DOT1L: variants seen among roughly 807,000 people sequenced by gnomAD.
DOT1L encodes DOT1 like histone lysine methyltransferase.
DOT1L carries 33 observed loss-of-function variants against 153.3 expected under a neutral mutation model. That is an observed-to-expected ratio of 0.22 (90% confidence interval 0.16 to 0.29). The LOEUF (loss-of-function observed/expected upper bound fraction) is 0.29. Ranked by LOEUF, DOT1L falls within the 10% of genes least tolerant of loss-of-function variation. The probability of loss-of-function intolerance (pLI) is 1.00; values close to 1 mark genes in which losing one functional copy is unlikely to be tolerated. For synonymous variants in DOT1L, 1,135 were observed against 965.1 expected (o/e 1.18, Z -3.26); for missense variants, 1,847 against 2,119.9 (o/e 0.87, Z 2.53).
intron 10 of DOT1L, 23 bp downstream of exon 10, chr19:2,206,820 A>G: frequency 3.1e-6 from 5 of 1,607,310 alleles, no homozygotes; most frequent in Middle Eastern, 1.7e-4. Flanking sequence ...CATGTTGTTA[A>G]TGATGAACAC....
chr19:2,188,095 C>T (rs1365698431), intron 3 of DOT1L: 1 of 152,324 alleles, frequency 6.6e-6, no homozygotes, highest in Non-Finnish European at 1.5e-5. Context: ...CCTTCGTCCT[C>T]CGGAGGATCC....
At chr19:2,165,273 C>T (rs1315808276) in intron 1 of DOT1L, among the ~76,000 whole-genome samples, 3 of 35,374 alleles carry the variant, frequency 8.5e-5, no homozygotes, top group East Asian at 8.7e-4. Context: ...CCCGCGCGCC[C>T]TGGGACTCCC....
At chr19:2,194,615 C>T (rs976099071) in intron 7 of DOT1L, 38 bp downstream of exon 7, 11 of 1,576,218 alleles carry the variant, frequency 7.0e-6, no homozygotes, top group Non-Finnish European at 9.5e-6. Context: ...CCATCGCCGG[C>T]CCCACCCCCG....
rs1057498138 is a variant in DOT1L at position 2,193,957 on chromosome 19, G to A, written c.588+174G>A. ...GTGCCTGTGAATAGGGTGCCCGATC[G>A]CCCTCACGGCCCATTACAGGCCGGC... On this transcript the variant is annotated intron_variant, in intron 6 of 27. Coordinates refer to ENST00000398665, the MANE Select transcript of DOT1L (RefSeq NM_032482.3). The surrounding 1 kb of genome is among the most constrained non-coding windows in gnomAD (Gnocchi z 5.9). 6.6e-6 allele frequency among the ~76,000 whole-genome samples: 1 copy of A among 152,116 alleles called. No homozygotes were observed. Among genetic ancestry groups the A allele is most frequent in the Admixed American group, 6.5e-5 (1 of 15,280 alleles).
intron 26 of DOT1L, 87 bp from the exon 27 acceptor site, chr19:2,226,096 C>T (rs1269178093): frequency 1.5e-5 from 21 of 1,404,532 alleles, no homozygotes; most frequent in South Asian, 6.1e-5. Flanking sequence ...CAGAGTTGCC[C>T]GGGCCGTGGC....
chr19:2,168,684 G>A (rs757359267), intron 1 of DOT1L, among the ~76,000 whole-genome samples: 12 of 151,884 alleles, frequency 7.9e-5, no homozygotes, highest in Admixed American at 2.0e-4. Flanking sequence ...GTGTGATCTC[G>A]GTTCACTGCA....
At chr19:2,174,021 C>A (rs928671114) in intron 1 of DOT1L, among the ~76,000 whole-genome samples, 3 of 152,180 alleles carry the variant, frequency 2.0e-5, no homozygotes, top group African/African-American at 7.2e-5. Context: ...AGTTTAGTGG[C>A]GTGATCATAA....
chr19:2,197,555 T>TCCTGGGG lies in DOT1L; in HGVS notation c.652-2322_652-2316dup, dbSNP rs1316526752. ...TCAGCGTCTGGGTCAGCACCCTGCC[T>TCCTGGGG]CCTGGGGCCTGGGTCCATGACACGG... On this transcript the variant is annotated intron_variant, in intron 7 of 27. Coordinates refer to ENST00000398665, the MANE Select transcript of DOT1L (RefSeq NM_032482.3). This position sits in a 1 kb window ranked among gnomAD's most constrained non-coding sequence, Gnocchi z 4.1. 6.6e-6 allele frequency among the ~76,000 whole-genome samples: 1 copy of TCCTGGGG among 152,172 alleles called. No homozygotes were observed. The highest frequency in any genetic ancestry group is 2.4e-5 in the African/African-American group (1 of 41,436).
At chr19:2,192,232 G>A (rs751757769) in intron 5 of DOT1L, among the ~76,000 whole-genome samples, 26 of 152,232 alleles carry the variant, frequency 1.7e-4, no homozygotes, top group Middle Eastern at 3.2e-3. Flanking sequence ...GGCAGCTCAC[G>A]CCTGTCATCT....
intron 20 of DOT1L, 87 bp downstream of exon 20, chr19:2,216,852 G>A (rs2023923781): frequency 2.6e-6 from 4 of 1,556,646 alleles, no homozygotes; most frequent in Non-Finnish European, 3.5e-6. Context: ...CTCAGCAGGA[G>A]TGTGTTTGTT....
Position 2,222,039 on chromosome 19 carries a change from C to T in DOT1L, c.2870C>T (p.Thr957Ile), listed in dbSNP as rs758976298. The change falls in exon 24 of 28, where the codon ACA (threonine) becomes ATA (isoleucine). Residue 957 changes from threonine to isoleucine, a missense_variant. Physicochemically the swap from Thr to Ile is moderately conservative, Grantham distance 89 (BLOSUM62 -1). Coordinates refer to ENST00000398665, the MANE Select transcript of DOT1L (RefSeq NM_032482.3). This position sits in a 1 kb window ranked among gnomAD's most constrained non-coding sequence, Gnocchi z 6.5. ...GALAGSPASL[T>I]PGAEPATLDE... ...TTGGCGGGCAGCCCGGCCTCTCTCA[C>T]ACCTGGAGCCGAGCCGGCCACCTTG... 1.4e-5 allele frequency: 23 copies of T among 1,612,778 alleles called. No individual in the cohort carries two copies. In the Admixed American group the frequency reaches 3.3e-4, roughly 23 times the overall value.
Position 2,197,976 on chromosome 19 carries a change from C to T in DOT1L, c.652-1908C>T, listed in dbSNP as rs2023090369. The stretch of plus-strand genomic sequence containing the variant: ...TGCTCCACTTGGGAGGCTCCAAGTC[C>T]TCCCGCCTGAGCAGTGTCACCAGGG... On this transcript the variant is annotated intron_variant, in intron 7 of 27. Coordinates refer to ENST00000398665, the MANE Select transcript of DOT1L (RefSeq NM_032482.3). This position sits in a 1 kb window ranked among gnomAD's most constrained non-coding sequence, Gnocchi z 4.1. 6.6e-6 allele frequency among the ~76,000 whole-genome samples: 1 copy of T among 152,198 alleles called. No homozygotes were observed. Among genetic ancestry groups the T allele is most frequent in the Non-Finnish European group, 1.5e-5 (1 of 68,034 alleles).
At chr19:2,175,372 T>A (rs927663201) in intron 1 of DOT1L, among the ~76,000 whole-genome samples, 1 of 152,010 alleles carries the variant, frequency 6.6e-6, no homozygotes, top group Non-Finnish European at 1.5e-5. Flanking sequence ...ACGATCATGA[T>A]TCACTGTGGC....
At chr19:2,196,948 G>A (rs770238908) in intron 7 of DOT1L, among the ~76,000 whole-genome samples, 2 of 152,208 alleles carry the variant, frequency 1.3e-5, no homozygotes, top group Admixed American at 6.5e-5. Flanking sequence ...TAGTGTCAGC[G>A]CGGTGCTGTG....
rs569204848 is a variant in DOT1L, at chr19:2,214,902, T to C, written c.1923+306T>C. 2.0e-5 allele frequency among the ~76,000 whole-genome samples: 3 copies of C among 152,090 alleles called. No homozygotes were observed. The South Asian group carries it at 6.2e-4, about 32-fold the overall frequency. ...TTGCAAATCATTTCTGTAACAGTCA[T>C]AGGGGAGAATTTGCTCATTAGAAAA... On this transcript the variant is annotated intron_variant, in intron 19 of 27. Coordinates refer to ENST00000398665, the MANE Select transcript of DOT1L (RefSeq NM_032482.3).
intron 27 of DOT1L, chr19:2,229,094 C>G (rs1331412276): frequency 6.1e-6 from 6 of 985,458 alleles, no homozygotes; most frequent in Non-Finnish European, 7.2e-6. Context: ...CAGCACCAAG[C>G]TGGGCAGGTT....
rs896387321 is a variant in DOT1L, at chr19:2,207,825, GCTC to G, written c.963+149_963+151del. On this transcript the variant is annotated intron_variant, in intron 11 of 27. Transcript: ENST00000398665. This position sits in a 1 kb window ranked among gnomAD's most constrained non-coding sequence, Gnocchi z 4.5. ...CCCCCGGCCCCTGAGCTCAGGCCCA[GCTC>G]CTCAAGGCCCCTCAGTACTGCTTGC... is the stretch of plus-strand genomic sequence containing the variant. The G allele has an allele frequency of 2.8e-6, 2 of 715,026 alleles. No individual in the cohort carries two copies. The highest frequency in any genetic ancestry group is 4.5e-6 in the Non-Finnish European group (2 of 440,684). The allele number at this position is 715,026 out of a possible 1,614,324, so 44.3% of individuals were successfully genotyped here.
rs562820195 is a variant in DOT1L at position 2,214,136 on chromosome 19, C to T, written c.1797+150C>T. ...AATTGCGCCACCTGTGAAAGCTTGT[C>T]GAGCGCGTCACAGCAGGCAGGCCTG... On this transcript the variant is annotated intron_variant, in intron 18 of 27. Transcript: ENST00000398665. 5.0e-4 allele frequency: 656 copies of T among 1,323,698 alleles called. 5 individuals carry two copies. In the African/African-American group the frequency reaches 7.4e-3, roughly 15 times the overall value. The allele number at this position is 1,323,698 out of a possible 1,614,324, so 82.0% of individuals were successfully genotyped here.
rs1344623854 is a variant in DOT1L at position 2,232,291 on chromosome 19, A to C, written c.*2499A>C. The C allele has an allele frequency of 9.7e-6, 2 of 206,582 alleles. No individual in the cohort carries two copies. Among genetic ancestry groups the C allele is most frequent in the Non-Finnish European group, 2.0e-5 (2 of 101,530 alleles). 12.8% of individuals were successfully genotyped at this position (206,582 alleles called of 1,614,324 possible). A position where few individuals can be genotyped will look rare whatever the true frequency, so the allele number is the denominator to read the frequency against. ...TTATTTAAGACTTCCCCCTTAATTT[A>C]TCTGCCCCCAGGATGCGTCAGTCTG... On this transcript the variant is annotated 3_prime_UTR_variant, in exon 28 of 28. Transcript: ENST00000398665.
Sources: gnomAD v4.1 joint callset for allele counts (sites outside exome capture counted in the v4.1 genomes callset) on GRCh38, gnomAD v4.1.1 for gene constraint, Gnocchi (gnomAD v3.1) non-coding constraint, MANE v1.5 for transcripts, NCBI Gene and HGNC (gene_info 2026-07-23, HGNC 2026-07-21) for gene names.